SGCZ: variants seen among roughly 807,000 people sequenced by gnomAD.
The protein encoded by SGCZ is zeta-sarcoglycan.
In SGCZ, 40 loss-of-function variants were observed where a neutral mutation model predicts 41.3. That is an observed-to-expected ratio of 0.97 (90% CI 0.75 to 1.26). The LOEUF is 1.26. Among genes scored for constraint, SGCZ ranks in the 50% most tolerant of loss-of-function variants. SGCZ has a pLI of 0.00. For synonymous variants in SGCZ, 206 were observed against 137.5 expected (o/e 1.50, Z -3.49); for missense variants, 552 against 369.8 (o/e 1.49, Z -4.04).
intron 1 of SGCZ, among the ~76,000 whole-genome samples, chr8:14,624,293 T>C (rs17119925): frequency 0.089 from 13,580 of 152,090 alleles, 1,364 homozygotes; most frequent in East Asian, 0.53. Flanking sequence ...ACAATGTTTA[T>C]AATGCCAAGA....
intron 2 of SGCZ, among the ~76,000 whole-genome samples, chr8:14,441,033 A>G (rs115274157): frequency 6.6e-6 from 1 of 151,994 alleles, no homozygotes; most frequent in African/African-American, 2.4e-5. Context: ...ATGATTTATC[A>G]TTTTTTTCTA....
chr8:14,184,973 TTGAC>T (rs1257282929), intron 4 of SGCZ, among the ~76,000 whole-genome samples: 3 of 152,240 alleles, frequency 2.0e-5, no homozygotes, highest in Non-Finnish European at 2.9e-5. Flanking sequence ...TCGTCTAATA[TTGAC>T]TAAGGGGTAG....
At chr8:14,307,541 G>GA (rs2116988282) in intron 3 of SGCZ, among the ~76,000 whole-genome samples, 1 of 152,122 alleles carries the variant, frequency 6.6e-6, no homozygotes, top group African/African-American at 2.4e-5. Context: ...AGCAAAAAAA[G>GA]AAAGGGTCTG....
At chr8:14,137,305 A>G (rs979737965) in intron 5 of SGCZ, among the ~76,000 whole-genome samples, 1 of 152,254 alleles carries the variant, frequency 6.6e-6, no homozygotes, top group Non-Finnish European at 1.5e-5. Flanking sequence ...CAAGCAACGG[A>G]ACAAAGATGG....
chr8:14,764,652 G>C (rs373885006), intron 1 of SGCZ, among the ~76,000 whole-genome samples: 1 of 152,124 alleles, frequency 6.6e-6, no homozygotes, highest in African/African-American at 2.4e-5. Context: ...GGTTGGAGGG[G>C]TCATCGCTCT....
intron 2 of SGCZ, among the ~76,000 whole-genome samples, chr8:14,340,995 A>T (rs1802685559): frequency 6.6e-6 from 1 of 152,132 alleles, no homozygotes; most frequent in Admixed American, 6.5e-5. Flanking sequence ...TATTTCTCTG[A>T]ACTGCTCGAG....
At chr8:14,250,094 A>T (rs1453089876) in intron 3 of SGCZ, among the ~76,000 whole-genome samples, 3 of 152,232 alleles carry the variant, frequency 2.0e-5, no homozygotes, top group Admixed American at 1.3e-4. Context: ...ACGAGCTTCC[A>T]GGTCATGCCA....
At chr8:15,131,220 G>T (rs1445906804) in intron 1 of SGCZ, among the ~76,000 whole-genome samples, 1 of 152,152 alleles carries the variant, frequency 6.6e-6, no homozygotes, top group Non-Finnish European at 1.5e-5. Context: ...CATGTGCTGT[G>T]GGAAGGGCCC....
intron 1 of SGCZ, among the ~76,000 whole-genome samples, chr8:14,840,719 A>G (rs1159100176): frequency 6.6e-6 from 1 of 152,116 alleles, no homozygotes; most frequent in Non-Finnish European, 1.5e-5. Context: ...TATATTTTAT[A>G]AGCCATTTAA....
rs571000729 is a variant in SGCZ, at chr8:14,457,207, T to C, written c.234+97525A>G. On this transcript the variant is annotated intron_variant, in intron 2 of 7. Coordinates refer to ENST00000382080, the MANE Select transcript of SGCZ (RefSeq NM_139167.4). ...TAATCCTCGCTCTATAATCATAGCC[T>C]AGGAAAAACCAGGCCATACAGAGAT... Among the ~76,000 whole-genome samples the C allele has an allele frequency of 2.6e-5, 4 of 152,332 alleles. No individual in the cohort carries two copies. The South Asian group carries it at 8.3e-4, about 32-fold the overall frequency.
intron 1 of SGCZ, among the ~76,000 whole-genome samples, chr8:15,123,467 C>T (rs1403999325): frequency 6.6e-6 from 1 of 152,124 alleles, no homozygotes; most frequent in Non-Finnish European, 1.5e-5. Context: ...GAATCCTAGA[C>T]TATTAGACCA....
At position 15,213,342 on chromosome 8, in the gene SGCZ, T is replaced by A. The variant is rs1217034479; in HGVS notation, c.39+24243A>T. On this transcript the variant is annotated intron_variant, in intron 1 of 7. Coordinates refer to ENST00000382080, the MANE Select transcript of SGCZ (RefSeq NM_139167.4). ...ACAGAAGTAAAATATACACAAAAAA[T>A]TTTTTTCCCTTTGGGTAATTATATA... Among the ~76,000 whole-genome samples the A allele has an allele frequency of 7.9e-5, 12 of 151,932 alleles. No homozygotes were observed. The East Asian group carries it at 1.4e-3, about 17-fold the overall frequency.
intron 7 of SGCZ, among the ~76,000 whole-genome samples, chr8:14,096,500 G>T (rs183055046): frequency 6.6e-6 from 1 of 152,118 alleles, no homozygotes; most frequent in Admixed American, 6.6e-5. Flanking sequence ...TGCTGGATTC[G>T]GTTTGCCAGT....
chr8:14,570,011 C>G (rs1380364574), intron 1 of SGCZ, among the ~76,000 whole-genome samples: 3 of 151,880 alleles, frequency 2.0e-5, no homozygotes, highest in African/African-American at 7.3e-5. Context: ...TAGCAACCCT[C>G]CATTCCTCAT....
At chr8:15,095,738 C>A (rs1018583462) in intron 1 of SGCZ, among the ~76,000 whole-genome samples, 5 of 152,140 alleles carry the variant, frequency 3.3e-5, no homozygotes, top group Non-Finnish European at 5.9e-5. Context: ...GTAACACAGT[C>A]GTGGCTCATA....
At chr8:14,134,857 C>CTGTT (rs34232605) in intron 5 of SGCZ, among the ~76,000 whole-genome samples, 52,620 of 151,646 alleles carry the variant, frequency 0.35, 11,531 homozygotes, top group Non-Finnish European at 0.5. Context: ...ATGGTTTTTA[C>CTGTT]TGTTTGATAT....
At chr8:14,726,547 A>G (rs1810063137) in intron 1 of SGCZ, among the ~76,000 whole-genome samples, 1 of 151,766 alleles carries the variant, frequency 6.6e-6, no homozygotes, top group African/African-American at 2.4e-5. Flanking sequence ...TTGACCAGGA[A>G]AATATAGCAA....
chr8:14,568,999 G>A (rs1804468594), intron 1 of SGCZ, among the ~76,000 whole-genome samples: 1 of 152,140 alleles, frequency 6.6e-6, no homozygotes, highest in Non-Finnish European at 1.5e-5. Flanking sequence ...TGGAAAAGCT[G>A]TACCTGTTTC....
intron 3 of SGCZ, among the ~76,000 whole-genome samples, chr8:14,239,887 G>A (rs1238683450): frequency 1.0e-5 from 1 of 99,756 alleles, no homozygotes; most frequent in Admixed American, 1.6e-4. Context: ...GGGCGACAGA[G>A]CGAGACTCCG....
Sources: allele counts gnomAD v4.1 joint callset (sites outside exome capture counted in the v4.1 genomes callset), GRCh38; gene constraint gnomAD v4.1.1; transcripts MANE v1.5; gene names NCBI Gene and HGNC (gene_info 2026-07-23, HGNC 2026-07-21).